MACROD2: variants seen among roughly 807,000 people sequenced by gnomAD.
MACROD2 encodes ADP-ribose glycohydrolase MACROD2.
A neutral mutation model predicts 70.4 loss-of-function variants in MACROD2; 36 were observed. The ratio of observed to expected loss-of-function variants is 0.51; its 90% CI spans 0.39 to 0.68. The LOEUF is 0.68. MACROD2 is among the 30% of genes least tolerant of loss of function. The probability of loss-of-function intolerance (pLI) is 0.00; values close to 1 mark genes in which losing one functional copy is unlikely to be tolerated. For missense variants in MACROD2, 496 were observed against 538.4 expected, an observed-to-expected ratio of 0.92 and a Z score of 0.78; for synonymous variants, 172 against 178.8, an observed-to-expected ratio of 0.96 and a Z score of 0.30.
chr20:14,914,983 A>AT (rs983240411), intron 5 of MACROD2, among the ~76,000 whole-genome samples: 7 of 152,176 alleles, frequency 4.6e-5, no homozygotes, highest in African/African-American at 1.4e-4. Flanking sequence ...GATTCGACTG[A>AT]TTTTTTTAAA....
chr20:15,949,181 T>A (rs1411753716), intron 12 of MACROD2, among the ~76,000 whole-genome samples: 5 of 152,208 alleles, frequency 3.3e-5, no homozygotes, highest in African/African-American at 1.2e-4. Flanking sequence ...GGAATTGTAA[T>A]AGTATTTATA....
intron 8 of MACROD2, among the ~76,000 whole-genome samples, chr20:15,582,720 G>A (rs1165427324): frequency 1.3e-5 from 2 of 152,170 alleles, no homozygotes; most frequent in African/African-American, 4.8e-5. Flanking sequence ...TTTTTGCAGT[G>A]TGGAGAAGGG....
intron 9 of MACROD2, among the ~76,000 whole-genome samples, chr20:15,866,883 G>A (rs2064501017): frequency 6.6e-6 from 1 of 152,160 alleles, no homozygotes; most frequent in South Asian, 2.1e-4. Flanking sequence ...TAAACGAGAA[G>A]CCCAAAGGCC....
chr20:14,972,542 T>C (rs1043793713), intron 5 of MACROD2, among the ~76,000 whole-genome samples: 1 of 152,204 alleles, frequency 6.6e-6, no homozygotes, highest in African/African-American at 2.4e-5. Flanking sequence ...TTATTTACAT[T>C]ATACTGAAGG....
chr20:14,002,189 C>T, intron 1 of MACROD2, 99 bp from the exon 2 acceptor site: 1 of 669,986 alleles, frequency 1.5e-6, no homozygotes, highest in Non-Finnish European at 2.4e-6. Flanking sequence ...ACTGTATCAA[C>T]TCTTTTGTTA....
At chr20:15,581,399 G>T (rs2048521861) in intron 8 of MACROD2, among the ~76,000 whole-genome samples, 1 of 152,160 alleles carries the variant, frequency 6.6e-6, no homozygotes, top group East Asian at 1.9e-4. Flanking sequence ...CTCTCTTGAT[G>T]AAACTTTTTT....
chr20:15,043,988 C>T (rs566885433), intron 5 of MACROD2, among the ~76,000 whole-genome samples: 5 of 152,102 alleles, frequency 3.3e-5, no homozygotes, highest in Non-Finnish European at 7.4e-5. Flanking sequence ...GCTCAGCACC[C>T]CTGAAACTCT....
chr20:14,710,263 C>G (rs1385399637), intron 5 of MACROD2, among the ~76,000 whole-genome samples: 1 of 151,716 alleles, frequency 6.6e-6, no homozygotes, highest in Non-Finnish European at 1.5e-5. Flanking sequence ...ACAGGATGTA[C>G]TTTGGGTGAG....
At chr20:15,412,277 T>C (rs546598424) in intron 6 of MACROD2, among the ~76,000 whole-genome samples, 1 of 152,166 alleles carries the variant, frequency 6.6e-6, no homozygotes, top group South Asian at 2.1e-4. Context: ...ATTTTGCATA[T>C]GCATTATTAA....
intron 3 of MACROD2, among the ~76,000 whole-genome samples, chr20:14,317,053 T>TTA (rs1568551807): frequency 2.6e-5 from 4 of 152,220 alleles, no homozygotes; most frequent in African/African-American, 7.2e-5. Context: ...TACGTCTTGA[T>TTA]CACTGAGTGT....
At chr20:15,142,880 A>C (rs1044867786) in intron 5 of MACROD2, among the ~76,000 whole-genome samples, 5 of 152,250 alleles carry the variant, frequency 3.3e-5, no homozygotes, top group Non-Finnish European at 5.9e-5. Context: ...CATGGTATAT[A>C]TGTGCCACAT....
intron 6 of MACROD2, among the ~76,000 whole-genome samples, chr20:15,379,265 T>C (rs377162779): frequency 1.5e-4 from 23 of 152,166 alleles, no homozygotes; most frequent in African/African-American, 5.1e-4. Flanking sequence ...GGATAGCATC[T>C]TTATATATCT....
intron 3 of MACROD2, among the ~76,000 whole-genome samples, chr20:14,389,552 T>C (rs925553940): frequency 2.6e-5 from 4 of 152,236 alleles, no homozygotes; most frequent in South Asian, 2.1e-4. Context: ...ATCGAGATGA[T>C]TGGCCACACT....
intron 3 of MACROD2, among the ~76,000 whole-genome samples, chr20:14,156,243 A>G (rs1290959425): frequency 1.3e-5 from 2 of 152,230 alleles, no homozygotes; most frequent in African/African-American, 2.4e-5. Flanking sequence ...AGCATGGGGC[A>G]TAACCTTTGT....
chr20:14,014,133 C>T (rs1464030455), intron 2 of MACROD2, among the ~76,000 whole-genome samples: 1 of 151,832 alleles, frequency 6.6e-6, no homozygotes, highest in Non-Finnish European at 1.5e-5. Flanking sequence ...AAGGATTTTC[C>T]TTAAATACAT....
At chr20:14,391,809 G>A (rs897400801) in intron 3 of MACROD2, among the ~76,000 whole-genome samples, 7 of 142,980 alleles carry the variant, frequency 4.9e-5, no homozygotes, top group African/African-American at 1.8e-4. Flanking sequence ...TAGACACTGA[G>A]GCCTACTAGA....
chr20:16,008,126 C>G (rs950808539), intron 15 of MACROD2, among the ~76,000 whole-genome samples: 3 of 152,178 alleles, frequency 2.0e-5, no homozygotes, highest in Admixed American at 1.3e-4. Context: ...CTGACTCATC[C>G]CAGCTTTGCT....
At chr20:14,631,111 G>A (rs182715447) in intron 4 of MACROD2, among the ~76,000 whole-genome samples, 49 of 152,062 alleles carry the variant, frequency 3.2e-4, no homozygotes, top group Non-Finnish European at 1.6e-4. Flanking sequence ...TCATTGCTTT[G>A]GACTGAGTTC....
intron 8 of MACROD2, among the ~76,000 whole-genome samples, chr20:15,603,423 G>A (rs894517238): frequency 2.0e-5 from 3 of 150,680 alleles, no homozygotes; most frequent in South Asian, 4.2e-4. Flanking sequence ...CAGGAGAATC[G>A]CTTGAACCCG....
Sources: gnomAD v4.1 joint callset for allele counts (sites outside exome capture counted in the v4.1 genomes callset) on GRCh38, gnomAD v4.1.1 for gene constraint, MANE v1.5 for transcripts, NCBI Gene and HGNC (gene_info 2026-07-23, HGNC 2026-07-21) for gene names.